LRMDA: variants seen among roughly 807,000 people sequenced by gnomAD.
The protein encoded by LRMDA is leucine-rich melanocyte differentiation-associated protein.
LRMDA carries 18 observed loss-of-function variants against 29.8 expected under a neutral mutation model. That is an observed-to-expected ratio of 0.60 (90% CI 0.42 to 0.90). The LOEUF (loss-of-function observed/expected upper bound fraction) is 0.90. Among genes scored for constraint, LRMDA ranks in the 40% least tolerant of loss-of-function variants. The probability of loss-of-function intolerance (pLI) is 0.00; values close to 1 mark genes in which losing one functional copy is unlikely to be tolerated. For missense variants in LRMDA, 273 were observed against 273.9 expected (o/e 1.00, Z 0.02); for synonymous variants, 125 against 109.4 (o/e 1.14, Z -0.89).
At chr10:76,019,821 C>A (rs138754917) in intron 2 of LRMDA, among the ~76,000 whole-genome samples, 1 of 152,264 alleles carries the variant, frequency 6.6e-6, no homozygotes, top group Non-Finnish European at 1.5e-5. Context: ...TCTTTTACTG[C>A]AGTAGATATA....
At chr10:76,282,582 A>C (rs970495430) in intron 5 of LRMDA, among the ~76,000 whole-genome samples, 1 of 152,332 alleles carries the variant, frequency 6.6e-6, no homozygotes, top group East Asian at 1.9e-4. Flanking sequence ...TTCATAGCAC[A>C]AGTGTTTCTC....
chr10:75,705,629 C>T (rs888286780), intron 2 of LRMDA, among the ~76,000 whole-genome samples: 2 of 152,240 alleles, frequency 1.3e-5, no homozygotes, highest in Admixed American at 1.3e-4. Flanking sequence ...AGGCTAGAGC[C>T]GTGCGTGAGC....
intron 2 of LRMDA, among the ~76,000 whole-genome samples, chr10:75,974,179 C>T (rs900699625): frequency 1.3e-5 from 2 of 152,154 alleles, no homozygotes; most frequent in African/African-American, 4.8e-5. Context: ...CTCTGCCATC[C>T]ACAAATGTGT....
At chr10:75,592,861 T>G (rs944644965) in intron 2 of LRMDA, among the ~76,000 whole-genome samples, 6 of 152,238 alleles carry the variant, frequency 3.9e-5, no homozygotes, top group African/African-American at 1.4e-4. Context: ...AGTTTTAAAG[T>G]CTACTTGCTT....
intron 2 of LRMDA, among the ~76,000 whole-genome samples, chr10:76,017,839 A>G (rs1230826636): frequency 2.0e-5 from 3 of 152,160 alleles, no homozygotes; most frequent in Non-Finnish European, 2.9e-5. Flanking sequence ...GTGAAAGTTC[A>G]GGGCCCCTGA....
chr10:76,040,503 T>C (rs1848322673), intron 3 of LRMDA, among the ~76,000 whole-genome samples: 1 of 152,102 alleles, frequency 6.6e-6, no homozygotes, highest in Non-Finnish European at 1.5e-5. Flanking sequence ...TCTTTCTTTG[T>C]TTCATTGAGA....
At chr10:75,676,105 C>T (rs1841956717) in intron 2 of LRMDA, among the ~76,000 whole-genome samples, 3 of 152,026 alleles carry the variant, frequency 2.0e-5, no homozygotes, top group Admixed American at 1.3e-4. Context: ...AACTTGCTCC[C>T]TTTCTGGGGA....
chr10:76,434,240 C>T lies in LRMDA; in HGVS notation c.601+109755C>T, dbSNP rs111751165. Among the ~76,000 whole-genome samples, 1,066 of 152,106 alleles carry T rather than the reference C, an allele frequency of 7.0e-3. 8 individuals carry two copies. Among genetic ancestry groups the T allele is most frequent in the African/African-American group, 0.024 (1,011 of 41,468 alleles). ...ATAGTGAACCTTGAACAGACATCTC[C>T]TCCTGCCCATGGAAAATGAGTTCTG... On this transcript the variant is annotated intron_variant, in intron 6 of 6. Transcript: ENST00000611255.
intron 2 of LRMDA, among the ~76,000 whole-genome samples, chr10:75,478,188 C>G (rs1326908388): frequency 2.0e-5 from 3 of 152,190 alleles, no homozygotes; most frequent in Non-Finnish European, 4.4e-5. Flanking sequence ...CAGCTCTCCC[C>G]CAAGATTACA....
chr10:75,591,421 G>A (rs888858426), intron 2 of LRMDA, among the ~76,000 whole-genome samples: 12 of 152,326 alleles, frequency 7.9e-5, no homozygotes, highest in African/African-American at 2.9e-4. Flanking sequence ...TGACTGATGT[G>A]CCCCAGGTAT....
At chr10:76,337,119 A>G (rs533185938) in intron 6 of LRMDA, among the ~76,000 whole-genome samples, 81 of 152,300 alleles carry the variant, frequency 5.3e-4, no homozygotes, top group Non-Finnish European at 1.1e-3. Context: ...AACATATTCC[A>G]TAGCCTCCAT....
chr10:75,876,928 T>TG (rs1312012349), intron 2 of LRMDA, among the ~76,000 whole-genome samples: 3 of 152,180 alleles, frequency 2.0e-5, no homozygotes, highest in Non-Finnish European at 4.4e-5. Flanking sequence ...TCAGGAGGTC[T>TG]GGGGCGGAGT....
rs372857419 is a variant in LRMDA at position 76,315,779 on chromosome 10, G to A, written c.517-8622G>A. 4.8e-4 allele frequency among the ~76,000 whole-genome samples: 73 copies of A among 152,070 alleles called. No individual in the cohort carries two copies. In the East Asian group the frequency reaches 0.011, roughly 24 times the overall value. ...GGATGGCTTGAAGCCTGGGGGCCGG[G>A]CTGCCAGTGCCGGGTGGAGTCCCCC... On this transcript the variant is annotated intron_variant, in intron 5 of 6. Transcript: ENST00000611255.
At chr10:76,028,689 G>A (rs910440416) in intron 2 of LRMDA, among the ~76,000 whole-genome samples, 6 of 152,130 alleles carry the variant, frequency 3.9e-5, no homozygotes, top group Admixed American at 2.0e-4. Context: ...AGCAATTTGA[G>A]CCATTAATCA....
chr10:76,363,589 T>C (rs1330043170), intron 6 of LRMDA, among the ~76,000 whole-genome samples: 1 of 152,106 alleles, frequency 6.6e-6, no homozygotes, highest in African/African-American at 2.4e-5. Flanking sequence ...TATGTAAAAT[T>C]AGAAAGGCAG....
intron 5 of LRMDA, among the ~76,000 whole-genome samples, chr10:76,323,123 C>T (rs1840791816): frequency 6.6e-6 from 1 of 152,020 alleles, no homozygotes; most frequent in African/African-American, 2.4e-5. Flanking sequence ...ATATATTTGC[C>T]TTGGAGCTGG....
Position 76,441,682 on chromosome 10 carries a change from G to A in LRMDA, c.602-115527G>A, listed in dbSNP as rs558117426. ...AGCCCCCATCCAGCAGGATGTGGATGTGCGAGGCTCTGCCCCCCTCTCCTC... is the reference window on the plus strand; with the variant it reads ...AGCCCCCATCCAGCAGGATGTGGATATGCGAGGCTCTGCCCCCCTCTCCTC... On this transcript the variant is annotated intron_variant, in intron 6 of 6. Transcript: ENST00000611255. Among the ~76,000 whole-genome samples the A allele has an allele frequency of 3.3e-5, 5 of 152,288 alleles. No individual in the cohort carries two copies. The South Asian group carries it at 1.0e-3, about 32-fold the overall frequency.
intron 6 of LRMDA, among the ~76,000 whole-genome samples, chr10:76,387,479 T>C (rs1841672776): frequency 6.6e-6 from 1 of 151,888 alleles, no homozygotes; most frequent in Non-Finnish European, 1.5e-5. Flanking sequence ...TGCACGTGCG[T>C]GTAATCCCAG....
intron 2 of LRMDA, among the ~76,000 whole-genome samples, chr10:75,687,069 C>G (rs768780028): frequency 6.6e-6 from 1 of 152,158 alleles, no homozygotes; most frequent in Non-Finnish European, 1.5e-5. Flanking sequence ...TGTCCCTCTC[C>G]TCAGGCCTCC....
Sources: gnomAD v4.1 joint callset for allele counts (sites outside exome capture counted in the v4.1 genomes callset) on GRCh38, gnomAD v4.1.1 for gene constraint, MANE v1.5 for transcripts, NCBI Gene and HGNC (gene_info 2026-07-23, HGNC 2026-07-21) for gene names.